Variants in EIF2B3 observed in about 807,000 individuals in gnomAD.
EIF2B3 encodes the protein translation initiation factor eIF2B subunit gamma.
EIF2B3 carries 20 observed loss-of-function variants against 54.1 expected under a neutral mutation model. The ratio of observed to expected loss-of-function variants is 0.37; its 90% CI spans 0.26 to 0.54. The LOEUF is 0.54. Ranked by LOEUF, EIF2B3 falls within the 20% of genes least tolerant of loss-of-function variation. The pLI, the probability that EIF2B3 is intolerant of heterozygous loss-of-function variation, is 0.86. For synonymous variants in EIF2B3, 153 were observed against 188.1 expected (o/e 0.81, Z 1.52); for missense variants, 448 against 547.8 (o/e 0.82, Z 1.82).
chr1:44,900,946 T>G (rs749801593), intron 5 of EIF2B3, among the ~76,000 whole-genome samples: 61 of 152,094 alleles, frequency 4.0e-4, no homozygotes, highest in Non-Finnish European at 6.5e-4. Context: ...GAAGAGTTCT[T>G]ATCTTTTCAT....
intron 3 of EIF2B3, among the ~76,000 whole-genome samples, chr1:44,955,241 C>T (rs919764289): frequency 1.1e-4 from 17 of 152,000 alleles, no homozygotes; most frequent in African/African-American, 3.9e-4. Flanking sequence ...CTTTGACAAA[C>T]CTGACAAAAA....
intron 5 of EIF2B3, among the ~76,000 whole-genome samples, chr1:44,922,891 G>C (rs1376981996): frequency 8.9e-6 from 1 of 112,628 alleles, no homozygotes; most frequent in African/African-American, 3.4e-5. Context: ...TGTTGCCCAG[G>C]CTGGAGTGCA....
At chr1:44,969,998 T>G (rs1347151064) in intron 3 of EIF2B3, 1 of 152,190 alleles carries the variant, frequency 6.6e-6, no homozygotes, top group African/African-American at 2.4e-5. Flanking sequence ...GGAGAATGAA[T>G]GAACCAATAA....
At position 44,978,437 on chromosome 1, in the gene EIF2B3, C is replaced by T; in HGVS notation, c.172G>A (p.Asp58Asn). The stretch of plus-strand genomic sequence containing the variant: ...TCTGCACATAGAGCCTTTTGAACAT[C>T]CCTGGTTGTAACCACAATGACTTCT... ...FEEVIVVTTR[D>N]VQKALCAEFK... The change falls in exon 3 of 12, where the codon GAT becomes AAT. Residue 58 changes from aspartate to asparagine, a missense_variant. By Grantham distance (23) the Asp-to-Asn change is conservative. Coordinates refer to ENST00000360403, the MANE Select transcript of EIF2B3 (RefSeq NM_020365.5). 6.2e-7 allele frequency: 1 copy of T among 1,613,334 alleles called. No individual in the cohort carries two copies. The highest frequency in any genetic ancestry group is 8.5e-7 in the Non-Finnish European group (1 of 1,179,948).
chr1:44,953,637 C>T (rs919428589), intron 3 of EIF2B3, among the ~76,000 whole-genome samples: 5 of 152,018 alleles, frequency 3.3e-5, no homozygotes, highest in African/African-American at 4.8e-5. Context: ...ACAAAAAATA[C>T]AAAAATTTAG....
intron 10 of EIF2B3, among the ~76,000 whole-genome samples, chr1:44,858,743 G>A (rs1654515590): frequency 6.6e-6 from 1 of 152,058 alleles, no homozygotes; most frequent in Admixed American, 6.6e-5. Flanking sequence ...GGGACTACAG[G>A]AGTGAGCCAC....
rs1446721255 is a variant in EIF2B3, at chr1:44,881,277, G to A, written c.784+335C>T. On this transcript the variant is annotated intron_variant, in intron 7 of 11. Coordinates refer to ENST00000360403, the MANE Select transcript of EIF2B3 (RefSeq NM_020365.5). This position sits in a 1 kb window ranked among gnomAD's most constrained non-coding sequence, Gnocchi z 4.0. ...AAAGAGGTTGAGTTTAATCAGGAAC[G>A]GGGCTGCCTAGAGCCTAGAGAACAG... 2.0e-5 allele frequency among the ~76,000 whole-genome samples: 3 copies of A among 152,154 alleles called. No homozygotes were observed. The highest frequency in any genetic ancestry group is 6.5e-5 in the Admixed American group (1 of 15,282).
chr1:44,939,696 TATA>T (rs1160187610), intron 4 of EIF2B3, among the ~76,000 whole-genome samples: 2 of 152,052 alleles, frequency 1.3e-5, no homozygotes, highest in Non-Finnish European at 2.9e-5. Context: ...TCTGTGCATT[TATA>T]ATGATACTTA....
intron 5 of EIF2B3, among the ~76,000 whole-genome samples, chr1:44,902,304 A>C (rs1643321630): frequency 1.3e-5 from 2 of 152,236 alleles, no homozygotes; most frequent in East Asian, 3.9e-4. Context: ...GTATTTCCAT[A>C]TAACTTTTAA....
At chr1:44,951,439 C>G (rs1429881892) in intron 3 of EIF2B3, among the ~76,000 whole-genome samples, 1 of 148,062 alleles carries the variant, frequency 6.8e-6, no homozygotes, top group East Asian at 2.1e-4. Flanking sequence ...TTATAGCACC[C>G]TAATTCCTTT....
intron 4 of EIF2B3, among the ~76,000 whole-genome samples, chr1:44,928,083 C>T (rs1026986754): frequency 6.6e-6 from 1 of 152,076 alleles, no homozygotes; most frequent in African/African-American, 2.4e-5. Flanking sequence ...GCCTGGGAGG[C>T]TAAGGCTGCA....
chr1:44,958,271 A>G (rs264002), intron 3 of EIF2B3, among the ~76,000 whole-genome samples: 28,578 of 152,098 alleles, frequency 0.19, 2,847 homozygotes, highest in African/African-American at 0.23. Context: ...TGGGACCTAA[A>G]GCCTGGTACT....
In EIF2B3 at chr1:44,873,287, G is replaced by A. The variant is rs1458921869; in HGVS notation, c.1202+1391C>T. Among the ~76,000 whole-genome samples, 3 of 152,228 alleles carry A rather than the reference G, an allele frequency of 2.0e-5. 1 individual carries two copies. The South Asian group carries it at 6.2e-4, about 32-fold the overall frequency. ...TATTCCTCATTTCCCTCTTCCCAGA[G>A]GCAACTCTTTTAATTCTTTCTGCTG... On this transcript the variant is annotated intron_variant, in intron 10 of 11. Coordinates refer to ENST00000360403, the MANE Select transcript of EIF2B3 (RefSeq NM_020365.5).
intron 1 of EIF2B3, among the ~76,000 whole-genome samples, chr1:44,983,532 T>C (rs554396188): frequency 6.6e-5 from 10 of 152,122 alleles, no homozygotes; most frequent in Non-Finnish European, 1.5e-4. Flanking sequence ...TTATATAACA[T>C]CCACCACATC....
At chr1:44,917,843 G>A (rs1245210062) in intron 5 of EIF2B3, among the ~76,000 whole-genome samples, 3 of 127,414 alleles carry the variant, frequency 2.4e-5, no homozygotes, top group Non-Finnish European at 4.7e-5. Context: ...GTGCGATCTC[G>A]GCTCACTGCA....
At chr1:44,965,054 C>T (rs1016485148) in intron 3 of EIF2B3, among the ~76,000 whole-genome samples, 1 of 152,180 alleles carries the variant, frequency 6.6e-6, no homozygotes, top group Non-Finnish European at 1.5e-5. Context: ...GCTTTATGTG[C>T]AGCTCACAGA....
intron 4 of EIF2B3, among the ~76,000 whole-genome samples, chr1:44,927,333 A>G (rs1240985043): frequency 6.6e-6 from 1 of 152,178 alleles, no homozygotes; most frequent in African/African-American, 2.4e-5. Context: ...CTTTTTACTC[A>G]TGGCAGAAGG....
intron 10 of EIF2B3, among the ~76,000 whole-genome samples, chr1:44,858,064 CA>C (rs1654492204): frequency 6.9e-6 from 1 of 144,778 alleles, no homozygotes; most frequent in African/African-American, 2.5e-5. Context: ...GACTTCACTT[CA>C]GTTCCTTTTT....
intron 10 of EIF2B3, among the ~76,000 whole-genome samples, chr1:44,869,217 C>T (rs1654878325): frequency 6.6e-6 from 1 of 152,124 alleles, no homozygotes. Flanking sequence ...GTGGCTCATG[C>T]CTGTAATCCC....
Sources: allele counts gnomAD v4.1 joint callset (sites outside exome capture counted in the v4.1 genomes callset), GRCh38; gene constraint gnomAD v4.1.1; non-coding constraint Gnocchi (gnomAD v3.1); transcripts MANE v1.5; gene names NCBI Gene and HGNC (gene_info 2026-07-23, HGNC 2026-07-21).